The following KSR2 variants were observed in gnomAD, a reference collection of about 807,000 sequenced individuals.
KSR2 encodes the protein kinase suppressor of ras 2.
In KSR2, 25 loss-of-function variants were observed where a neutral mutation model predicts 107.8. The ratio of observed to expected loss-of-function variants is 0.23; its 90% CI spans 0.17 to 0.32. The LOEUF (loss-of-function observed/expected upper bound fraction) is 0.32, where lower values mean the gene tolerates loss of function less well. KSR2 is among the 10% of genes least tolerant of loss of function. The pLI, the probability that KSR2 is intolerant of heterozygous loss-of-function variation, is 1.00. For synonymous variants in KSR2, 480 were observed against 507.0 expected (o/e 0.95, Z 0.71); for missense variants, 887 against 1,268.9 (o/e 0.70, Z 4.57).
intron 3 of KSR2, among the ~76,000 whole-genome samples, chr12:117,847,205 G>C (rs1892736790): frequency 6.6e-6 from 1 of 152,180 alleles, no homozygotes; most frequent in Non-Finnish European, 1.5e-5. Flanking sequence ...CAAGTTAGAA[G>C]CAAGTAGAAC....
chr12:117,640,853 T>C (rs1039098233), intron 5 of KSR2, among the ~76,000 whole-genome samples: 3 of 152,162 alleles, frequency 2.0e-5, no homozygotes, highest in African/African-American at 7.2e-5. Flanking sequence ...ATGAGCAATT[T>C]CACAGCTGAG....
At chr12:117,870,554 G>A (rs1339965899) in intron 1 of KSR2, among the ~76,000 whole-genome samples, 3 of 151,924 alleles carry the variant, frequency 2.0e-5, no homozygotes, top group Non-Finnish European at 4.4e-5. Context: ...AGCCGAGATC[G>A]CACCACTGTA....
At chr12:117,656,989 T>TAATAGG (rs1884202160) in intron 5 of KSR2, among the ~76,000 whole-genome samples, 1 of 37,766 alleles carries the variant, frequency 2.6e-5, no homozygotes, top group Admixed American at 3.4e-4. Context: ...AGGATATATA[T>TAATAGG]ATATATATAT....
chr12:117,909,317 C>T (rs560039623), intron 1 of KSR2, among the ~76,000 whole-genome samples: 2 of 152,248 alleles, frequency 1.3e-5, no homozygotes, highest in East Asian at 3.9e-4. Context: ...AGCTAGCTTC[C>T]CCCTACCAGG....
intron 1 of KSR2, among the ~76,000 whole-genome samples, chr12:117,947,205 A>AAAGAAAT: frequency 1.4e-5 from 1 of 69,242 alleles, no homozygotes; most frequent in Non-Finnish European, 2.6e-5. Flanking sequence ...GAAAAGAAAG[A>AAAGAAAT]AAAGAAAGAA....
At chr12:117,946,194 CAAAATAAACCTATAGT>C (rs1336925874) in intron 1 of KSR2, among the ~76,000 whole-genome samples, 1 of 151,284 alleles carries the variant, frequency 6.6e-6, no homozygotes, top group Non-Finnish European at 1.5e-5. Context: ...AAGAAAAGGG[CAAAATAAACCTATAGT>C]AAGCAGAAGA....
At chr12:117,637,674 G>GTTTTTTTTT (rs1593077593) in intron 5 of KSR2, among the ~76,000 whole-genome samples, 1 of 37,378 alleles carries the variant, frequency 2.7e-5, no homozygotes, top group Admixed American at 3.3e-4. Flanking sequence ...GTCAGTTTTG[G>GTTTTTTTTT]GTTTTTTTTT....
intron 5 of KSR2, among the ~76,000 whole-genome samples, chr12:117,598,949 T>A (rs1015727713): frequency 6.6e-6 from 1 of 151,964 alleles, no homozygotes. Context: ...AATAAAGTCC[T>A]CCCCGACCTT....
At chr12:117,516,421 T>C (rs1181045579) in intron 14 of KSR2, among the ~76,000 whole-genome samples, 2 of 152,180 alleles carry the variant, frequency 1.3e-5, no homozygotes, top group Non-Finnish European at 2.9e-5. Flanking sequence ...TCATTTGGTA[T>C]TATAATAAAC....
intron 5 of KSR2, among the ~76,000 whole-genome samples, chr12:117,587,120 C>T (rs541868731): frequency 3.9e-4 from 60 of 152,246 alleles, no homozygotes; most frequent in Middle Eastern, 6.8e-3. Context: ...CCAAGGAGGC[C>T]TGGGAAGTGA....
intron 7 of KSR2, among the ~76,000 whole-genome samples, chr12:117,567,584 T>C (rs920991238): frequency 3.3e-5 from 5 of 151,244 alleles, no homozygotes; most frequent in Admixed American, 3.3e-4. Context: ...AAAGTTCCCC[T>C]CTCATTATCT....
intron 1 of KSR2, among the ~76,000 whole-genome samples, chr12:117,963,375 G>A (rs990054246): frequency 2.0e-5 from 3 of 152,084 alleles, no homozygotes; most frequent in Admixed American, 6.5e-5. Flanking sequence ...CAAGGCAGGC[G>A]AATCACTTGA....
chr12:117,630,010 G>A (rs1397007689), intron 5 of KSR2, among the ~76,000 whole-genome samples: 1 of 152,192 alleles, frequency 6.6e-6, no homozygotes, highest in Non-Finnish European at 1.5e-5. Flanking sequence ...CAGCCTGCTG[G>A]ACTCATGCAG....
chr12:117,538,122 C>T (rs1876181184), intron 10 of KSR2, among the ~76,000 whole-genome samples: 1 of 151,784 alleles, frequency 6.6e-6, no homozygotes, highest in Non-Finnish European at 1.5e-5. Context: ...TCCCTTCATC[C>T]CCTTCTGAAG....
chr12:117,777,107 TACACACACACACC>T (rs1889717779), intron 3 of KSR2, among the ~76,000 whole-genome samples: 8 of 66,136 alleles, frequency 1.2e-4, no homozygotes, highest in African/African-American at 3.6e-4. Context: ...TATATATATA[TACACACACACACC>T]ATATATATAT....
chr12:117,730,248 A>C (rs1887606612), intron 4 of KSR2, among the ~76,000 whole-genome samples: 1 of 152,186 alleles, frequency 6.6e-6, no homozygotes, highest in African/African-American at 2.4e-5. Flanking sequence ...ATCTTCAGCA[A>C]GTTATGTAAT....
intron 1 of KSR2, among the ~76,000 whole-genome samples, chr12:117,894,692 TC>T (rs1248495252): frequency 1.6e-5 from 1 of 63,240 alleles, no homozygotes; most frequent in African/African-American, 6.5e-5. Flanking sequence ...CACTTCCCCC[TC>T]CCCCTCCCCA....
intron 1 of KSR2, among the ~76,000 whole-genome samples, chr12:117,887,227 T>A (rs1220748018): frequency 6.6e-6 from 1 of 151,666 alleles, no homozygotes. Context: ...CCCAGCCGGA[T>A]TTTTTTTTCT....
chr12:117,778,485 A>C lies in KSR2; in HGVS notation c.473-16961T>G, dbSNP rs944946992. Among the ~76,000 whole-genome samples the C allele has an allele frequency of 2.0e-4, 30 of 152,226 alleles. 2 individuals carry two copies. Among genetic ancestry groups the C allele is most frequent in the Admixed American group, 1.3e-4 (2 of 15,284 alleles). ...GAATTCAGGCAAGAAATTAAGTGGG[A>C]GACAACTCGCTATAGTCAAAATTCT... On this transcript the variant is annotated intron_variant, in intron 3 of 19. Transcript: ENST00000339824.
Sources: gnomAD v4.1 joint callset for allele counts (sites outside exome capture counted in the v4.1 genomes callset) on GRCh38, gnomAD v4.1.1 for gene constraint, MANE v1.5 for transcripts, NCBI Gene and HGNC (gene_info 2026-07-23, HGNC 2026-07-21) for gene names.